The following NTM variants were observed in gnomAD, a reference collection of about 807,000 sequenced individuals.
The protein encoded by NTM is IgLON family member 2.
Under a neutral mutation model 42.1 loss-of-function variants are expected in NTM, and 13 were observed. The ratio of observed to expected loss-of-function variants is 0.31; its 90% CI spans 0.20 to 0.49. The LOEUF (loss-of-function observed/expected upper bound fraction) is 0.49, where lower values mean the gene tolerates loss of function less well. Ranked by LOEUF, NTM falls within the 20% of genes least tolerant of loss-of-function variation. The pLI, the probability that NTM is intolerant of heterozygous loss-of-function variation, is 0.99. For synonymous variants in NTM, 187 were observed against 179.2 expected (o/e 1.04, Z -0.35); for missense variants, 373 against 452.8 (o/e 0.82, Z 1.60).
At chr11:132,287,820 G>A (rs60026952) in intron 4 of NTM, among the ~76,000 whole-genome samples, 1,928 of 152,202 alleles carry the variant, frequency 0.013, 40 homozygotes, top group African/African-American at 0.044. Context: ...ATTTTGGGTC[G>A]GTATGCATGT....
At chr11:132,307,629 T>G in intron 4 of NTM, 60 bp from the exon 5 acceptor site, 2 of 1,602,358 alleles carry the variant, frequency 1.2e-6, no homozygotes. Flanking sequence ...GTTTTCTAAG[T>G]GAACATGTTT....
chr11:132,222,091 GCCAGGTCTCTGCATT>G (rs1449101236), intron 4 of NTM, among the ~76,000 whole-genome samples: 7 of 152,236 alleles, frequency 4.6e-5, no homozygotes, highest in African/African-American at 1.4e-4. Flanking sequence ...TCTGCTGTGT[GCCAGGTCTCTGCATT>G]CCACCCTCCC....
chr11:131,459,727 G>A (rs532757170), intron 1 of NTM, among the ~76,000 whole-genome samples: 9 of 152,300 alleles, frequency 5.9e-5, no homozygotes, highest in Admixed American at 5.9e-4. Context: ...TCCTGATAGT[G>A]TTGAGTAGTG....
At chr11:131,944,461 A>G (rs1210910121) in intron 2 of NTM, among the ~76,000 whole-genome samples, 3 of 152,194 alleles carry the variant, frequency 2.0e-5, no homozygotes. Context: ...TCCACAGCTC[A>G]TCTCAGCCTT....
intron 1 of NTM, among the ~76,000 whole-genome samples, chr11:131,391,297 C>T (rs1374274101): frequency 6.6e-6 from 1 of 152,082 alleles, no homozygotes; most frequent in East Asian, 1.9e-4. Context: ...TCCCCACATG[C>T]TTTGGGTGCC....
chr11:132,144,241 A>G (rs1041772823), intron 2 of NTM, among the ~76,000 whole-genome samples: 1 of 152,172 alleles, frequency 6.6e-6, no homozygotes, highest in Admixed American at 6.5e-5. Flanking sequence ...ACCAGGGGCC[A>G]TCAGCTTTGG....
At chr11:131,886,605 G>A (rs191738316) in intron 1 of NTM, among the ~76,000 whole-genome samples, 27 of 152,306 alleles carry the variant, frequency 1.8e-4, no homozygotes, top group African/African-American at 4.3e-4. Context: ...TTGCTAACTC[G>A]GCAGGGATTG....
At chr11:131,670,186 G>T (rs998009157) in intron 1 of NTM, among the ~76,000 whole-genome samples, 1 of 152,042 alleles carries the variant, frequency 6.6e-6, no homozygotes, top group African/African-American at 2.4e-5. Flanking sequence ...AACAGAAGGC[G>T]CCCCAAAAGC....
At chr11:131,830,874 A>T (rs1036806563) in intron 1 of NTM, among the ~76,000 whole-genome samples, 7 of 152,170 alleles carry the variant, frequency 4.6e-5, no homozygotes, top group African/African-American at 7.2e-5. Context: ...CTCCTTGTAG[A>T]TATCTTTCAC....
chr11:131,671,595 G>C (rs2070257104), intron 1 of NTM: 1 of 985,264 alleles, frequency 1.0e-6, no homozygotes. Flanking sequence ...GCTGGGCTGG[G>C]CATATCTGCG....
At chr11:131,686,578 G>C (rs1479495101) in intron 1 of NTM, among the ~76,000 whole-genome samples, 2 of 152,166 alleles carry the variant, frequency 1.3e-5, no homozygotes, top group Non-Finnish European at 2.9e-5. Context: ...AGGCAGAAGA[G>C]GAGGAGGCAG....
rs144963002 is a variant in NTM, at chr11:132,262,651, G to A, written c.527-45038G>A. Among the ~76,000 whole-genome samples, 887 of 152,206 alleles carry A rather than the reference G, an allele frequency of 5.8e-3. 4 individuals carry two copies. Among genetic ancestry groups the A allele is most frequent in the South Asian group, 0.019 (93 of 4,822 alleles). On this transcript the variant is annotated intron_variant, in intron 4 of 8. Transcript: ENST00000683400. The stretch of plus-strand genomic sequence containing the variant: ...CTCGTAAGCTAATCACCTCCCAAAT[G>A]CCTCATCTCCTAATACCATCACAAT...
chr11:131,423,623 A>C (rs574997519), intron 1 of NTM, among the ~76,000 whole-genome samples: 1 of 152,308 alleles, frequency 6.6e-6, no homozygotes, highest in East Asian at 1.9e-4. Context: ...AGTCGACTAA[A>C]GGGCTTGGTG....
intron 3 of NTM, among the ~76,000 whole-genome samples, chr11:132,152,116 G>T (rs1190622075): frequency 6.6e-6 from 1 of 152,182 alleles, no homozygotes; most frequent in Non-Finnish European, 1.5e-5. Context: ...CTCTGAATCT[G>T]AACTGAAGGT....
intron 1 of NTM, chr11:131,662,414 T>G (rs2134485386): frequency 6.6e-6 from 1 of 152,376 alleles, no homozygotes; most frequent in Non-Finnish European, 1.5e-5. Flanking sequence ...TTGGTATTTG[T>G]CCTGCATAAT....
intron 2 of NTM, among the ~76,000 whole-genome samples, chr11:131,990,402 G>A (rs1006982563): frequency 1.3e-5 from 2 of 151,990 alleles, no homozygotes; most frequent in Non-Finnish European, 2.9e-5. Flanking sequence ...ATTCTTTTAG[G>A]TGACCAATAT....
At chr11:131,495,037 C>G (rs899241656) in intron 1 of NTM, among the ~76,000 whole-genome samples, 3 of 152,146 alleles carry the variant, frequency 2.0e-5, no homozygotes, top group African/African-American at 7.2e-5. Context: ...GGTTCATTGA[C>G]TATTATTTGA....
At chr11:131,383,280 G>C (rs868700792) in intron 1 of NTM, among the ~76,000 whole-genome samples, 1 of 152,076 alleles carries the variant, frequency 6.6e-6, no homozygotes, top group East Asian at 1.9e-4. Flanking sequence ...GACCATACTA[G>C]GTATTAGGCA....
intron 2 of NTM, among the ~76,000 whole-genome samples, chr11:131,933,881 T>TG (rs902300074): frequency 4.7e-4 from 72 of 151,762 alleles, no homozygotes; most frequent in African/African-American, 1.6e-3. Context: ...TCTTTTTTTC[T>TG]GGGGGGGGAT....
Sources: allele counts gnomAD v4.1 joint callset (sites outside exome capture counted in the v4.1 genomes callset), GRCh38; gene constraint gnomAD v4.1.1; transcripts MANE v1.5; gene names NCBI Gene and HGNC (gene_info 2026-07-23, HGNC 2026-07-21).